GAREM1: variants seen among roughly 807,000 people sequenced by gnomAD.
GAREM1 encodes GRB2 associated regulator of MAPK1 subtype 1.
A neutral mutation model predicts 71.3 loss-of-function variants in GAREM1; 26 were observed. The ratio of observed to expected loss-of-function variants is 0.36; its 90% CI spans 0.27 to 0.51. GAREM1 has a LOEUF of 0.51. GAREM1 is among the 20% of genes least tolerant of loss of function. GAREM1 has a pLI of 0.95. For synonymous variants in GAREM1, 440 were observed against 433.2 expected, an observed-to-expected ratio of 1.02 and a Z score of -0.20; for missense variants, 1,026 against 1,103.1, an observed-to-expected ratio of 0.93 and a Z score of 0.99.
chr18:32,385,423 C>T (rs1158231201), intron 2 of GAREM1, among the ~76,000 whole-genome samples: 4 of 151,994 alleles, frequency 2.6e-5, no homozygotes, highest in South Asian at 2.1e-4. Flanking sequence ...CCCAGGCCTC[C>T]TGCCTCTGAT....
intron 2 of GAREM1, among the ~76,000 whole-genome samples, chr18:32,391,207 C>T (rs1195314422): frequency 2.0e-5 from 3 of 152,134 alleles, no homozygotes; most frequent in Non-Finnish European, 1.5e-5. Context: ...TAGCTAGAGA[C>T]TGTGTAAATG....
chr18:32,350,463 GTC>G (rs1346888208), intron 2 of GAREM1, among the ~76,000 whole-genome samples: 1 of 151,946 alleles, frequency 6.6e-6, no homozygotes, highest in Non-Finnish European at 1.5e-5. Context: ...TAGAGTCAGG[GTC>G]TCTCAACACA....
At chr18:32,418,211 A>G (rs2048482578) in intron 1 of GAREM1, among the ~76,000 whole-genome samples, 1 of 152,226 alleles carries the variant, frequency 6.6e-6, no homozygotes, top group Admixed American at 6.5e-5. Flanking sequence ...TACATATAAT[A>G]GAGCAACCCG....
intron 2 of GAREM1, among the ~76,000 whole-genome samples, chr18:32,320,071 T>C (rs2047415075): frequency 6.6e-6 from 1 of 152,210 alleles, no homozygotes; most frequent in South Asian, 2.1e-4. Flanking sequence ...TTTTTATTCT[T>C]GATACATATT....
intron 1 of GAREM1, among the ~76,000 whole-genome samples, chr18:32,400,995 G>GA (rs1297330960): frequency 1.3e-5 from 2 of 151,896 alleles, no homozygotes; most frequent in African/African-American, 4.8e-5. Flanking sequence ...TATGCAGCCA[G>GA]AAAAAAAGGA....
At chr18:32,406,875 G>C (rs2048371504) in intron 1 of GAREM1, among the ~76,000 whole-genome samples, 1 of 152,140 alleles carries the variant, frequency 6.6e-6, no homozygotes, top group Non-Finnish European at 1.5e-5. Flanking sequence ...ACAGACACTG[G>C]TATCAATCAA....
At chr18:32,337,309 T>TA (rs2047605949) in intron 2 of GAREM1, among the ~76,000 whole-genome samples, 2 of 152,212 alleles carry the variant, frequency 1.3e-5, no homozygotes, top group Non-Finnish European at 1.5e-5. Context: ...GCCACACACT[T>TA]AAACGTCATC....
chr18:32,326,777 G>C (rs1353790940), intron 2 of GAREM1, among the ~76,000 whole-genome samples: 2 of 152,236 alleles, frequency 1.3e-5, no homozygotes, highest in East Asian at 3.9e-4. Flanking sequence ...CTTTTATTCA[G>C]TACAGATCCA....
chr18:32,287,785 T>C lies in GAREM1; in HGVS notation c.812A>G (p.Tyr271Cys), dbSNP rs2047040622. 2.5e-6 allele frequency: 4 copies of C among 1,613,166 alleles called. No individual in the cohort carries two copies. The highest frequency in any genetic ancestry group is 2.5e-6 in the Non-Finnish European group (3 of 1,179,944). The change falls in exon 4 of 6, where the codon TAT (tyrosine) becomes TGT (cysteine). Residue 271 changes from tyrosine (Y) to cysteine (C), a missense_variant. Coordinates refer to ENST00000269209, the MANE Select transcript of GAREM1 (RefSeq NM_001242409.2). The surrounding 1 kb of genome is among the most constrained non-coding windows in gnomAD (Gnocchi z 5.9). ...CTTGGTCTGGATGTTCACAAACTTA[T>C]AGCGGTGCCCCTCACGGATGAAGTG... ...DLHFIREGHR[Y>C]KFVNIQTKTV...
intron 2 of GAREM1, among the ~76,000 whole-genome samples, chr18:32,357,024 C>T (rs2047813386): frequency 6.6e-6 from 1 of 152,192 alleles, no homozygotes; most frequent in South Asian, 2.1e-4. Flanking sequence ...GCTACTCTGC[C>T]CCTTCCTTTC....
intron 1 of GAREM1, among the ~76,000 whole-genome samples, chr18:32,434,626 TC>T: frequency 6.6e-6 from 1 of 151,986 alleles, no homozygotes; most frequent in East Asian, 1.9e-4. Flanking sequence ...TATCCATGAC[TC>T]ATACTGATAT....
intron 2 of GAREM1, among the ~76,000 whole-genome samples, chr18:32,349,915 A>G (rs1216252790): frequency 6.6e-6 from 1 of 152,204 alleles, no homozygotes; most frequent in East Asian, 1.9e-4. Flanking sequence ...GGGAATGTGG[A>G]ACACAGCATG....
At chr18:32,426,734 A>C (rs2048579919) in intron 1 of GAREM1, among the ~76,000 whole-genome samples, 1 of 152,240 alleles carries the variant, frequency 6.6e-6, no homozygotes. Flanking sequence ...GGAAGGTTAC[A>C]AAATTTATCA....
intron 3 of GAREM1, among the ~76,000 whole-genome samples, chr18:32,295,237 C>G (rs973996267): frequency 6.6e-6 from 1 of 151,876 alleles, no homozygotes; most frequent in Non-Finnish European, 1.5e-5. Flanking sequence ...CCCATATGTT[C>G]ATTTTTCACT....
At chr18:32,312,987 A>G (rs1262155215) in intron 2 of GAREM1, among the ~76,000 whole-genome samples, 1 of 152,214 alleles carries the variant, frequency 6.6e-6, no homozygotes, top group Non-Finnish European at 1.5e-5. Flanking sequence ...AGAAGGTTGC[A>G]ATGTAATATG....
intron 1 of GAREM1, among the ~76,000 whole-genome samples, chr18:32,420,954 A>G (rs2048514721): frequency 6.6e-6 from 1 of 152,066 alleles, no homozygotes; most frequent in South Asian, 2.1e-4. Flanking sequence ...CGCTGCATCT[A>G]CCTATTTAGA....
At chr18:32,445,866 A>C (rs2048781415) in intron 1 of GAREM1, among the ~76,000 whole-genome samples, 1 of 152,298 alleles carries the variant, frequency 6.6e-6, no homozygotes, top group African/African-American at 2.4e-5. Context: ...TGGCAAAAAA[A>C]AATATAGGTT....
At chr18:32,270,187 C>T (rs746888245) in intron 5 of GAREM1, 30 bp downstream of exon 5, 26 of 1,608,894 alleles carry the variant, frequency 1.6e-5, no homozygotes, top group East Asian at 2.2e-5. Context: ...AGAAGATAAG[C>T]GTGCAGTGGG....
intron 2 of GAREM1, among the ~76,000 whole-genome samples, chr18:32,312,155 G>A (rs191253753): frequency 6.6e-6 from 1 of 152,346 alleles, no homozygotes; most frequent in Admixed American, 6.5e-5. Flanking sequence ...AGACACCGAA[G>A]TGTGGAGGTC....
Sources: gnomAD v4.1 joint callset for allele counts (sites outside exome capture counted in the v4.1 genomes callset) on GRCh38, gnomAD v4.1.1 for gene constraint, Gnocchi (gnomAD v3.1) non-coding constraint, MANE v1.5 for transcripts, NCBI Gene and HGNC (gene_info 2026-07-23, HGNC 2026-07-21) for gene names.